The following SVEP1 variants were observed in gnomAD, a reference collection of about 807,000 sequenced individuals.
SVEP1 encodes sushi, von Willebrand factor type A, EGF and pentraxin domain-containing protein 1.
In SVEP1, 164 loss-of-function variants were observed where a neutral mutation model predicts 367.3. The ratio of observed to expected loss-of-function variants is 0.45; its 90% confidence interval spans 0.39 to 0.51. The LOEUF (loss-of-function observed/expected upper bound fraction) is 0.51. Ranked by LOEUF, SVEP1 falls within the 20% of genes least tolerant of loss-of-function variation. SVEP1 has a pLI of 0.00. For synonymous variants in SVEP1, 1,666 were observed against 1,611.6 expected (o/e 1.03, Z -0.81); for missense variants, 4,117 against 4,425.3 (o/e 0.93, Z 1.98).
chr9:110,424,852 C>G (rs1401135792), intron 36 of SVEP1, among the ~76,000 whole-genome samples: 1 of 152,068 alleles, frequency 6.6e-6, no homozygotes, highest in African/African-American at 2.4e-5. Flanking sequence ...TTTTGTCTTT[C>G]TAGTGGAGAC....
At chr9:110,479,093 T>C (rs1829145201) in intron 13 of SVEP1, among the ~76,000 whole-genome samples, 1 of 152,070 alleles carries the variant, frequency 6.6e-6, no homozygotes, top group Non-Finnish European at 1.5e-5. Context: ...AGTTTTTTTG[T>C]ATTTTTACTA....
At chr9:110,488,777 G>A (rs1829324638) in intron 9 of SVEP1, among the ~76,000 whole-genome samples, 1 of 152,146 alleles carries the variant, frequency 6.6e-6, no homozygotes, top group Non-Finnish European at 1.5e-5. Flanking sequence ...GGAAGGCTAA[G>A]GCAGGAGGAT....
rs377002672 is a variant in SVEP1 at position 110,465,849 on chromosome 9, C to T, written c.3322+16G>A. The T allele has an allele frequency of 3.4e-5, 55 of 1,609,570 alleles. No homozygotes were observed. The highest frequency in any genetic ancestry group is 4.6e-5 in the Non-Finnish European group (54 of 1,177,588). On this transcript the variant is annotated intron_variant, in intron 18 of 47. Coordinates refer to ENST00000374469, the MANE Select transcript of SVEP1 (RefSeq NM_153366.4). ...AGTAGGTTTAAAGAAATATCAATGT[C>T]TAAGGCTTTGATAACCTCCACATGC...
chr9:110,390,221 A>ATATACTTATATAAGTATGTG (rs1564127376), intron 40 of SVEP1, among the ~76,000 whole-genome samples: 5 of 139,124 alleles, frequency 3.6e-5, no homozygotes, highest in African/African-American at 1.3e-4. Context: ...ATACTTGTAT[A>ATATACTTATATAAGTATGTG]TATACTTATA....
intron 1 of SVEP1, among the ~76,000 whole-genome samples, chr9:110,565,193 T>TA (rs1485338459): frequency 2.0e-5 from 3 of 152,196 alleles, no homozygotes; most frequent in Non-Finnish European, 4.4e-5. Flanking sequence ...ATAGGAATGT[T>TA]ATGATGCAGG....
chr9:110,422,943 G>C (rs970891843), intron 36 of SVEP1, among the ~76,000 whole-genome samples: 60 of 117,542 alleles, frequency 5.1e-4, no homozygotes, highest in Non-Finnish European at 9.1e-4. Flanking sequence ...ACACAGGAAG[G>C]GGAATATCAC....
chr9:110,455,768 T>G, intron 21 of SVEP1, 65 bp from the exon 22 acceptor site: 1 of 1,294,876 alleles, frequency 7.7e-7, no homozygotes, highest in Non-Finnish European at 1.1e-6. Flanking sequence ...AGAACTATGA[T>G]CATTTAAAGG....
Position 110,457,332 on chromosome 9 carries a change from AAAG to A in SVEP1, c.3594_3596del (p.Phe1199del). ...AGGTTCCACTATTGTGGCAAGGGTT[AAAG>A]AAGCATTCATGGAAAACCTACCAGT... On this transcript the variant is annotated inframe_deletion, in exon 21 of 48. Transcript: ENST00000374469. The A allele has an allele frequency of 6.2e-7, 1 of 1,611,318 alleles. No individual in the cohort carries two copies. The highest frequency in any genetic ancestry group is 8.5e-7 in the Non-Finnish European group (1 of 1,179,274).
intron 9 of SVEP1, among the ~76,000 whole-genome samples, chr9:110,486,891 T>G (rs1829286889): frequency 6.6e-6 from 1 of 151,864 alleles, no homozygotes. Flanking sequence ...GTGATTCATC[T>G]GCCTCGGCCT....
intron 40 of SVEP1, among the ~76,000 whole-genome samples, chr9:110,399,040 G>A (rs1827815113): frequency 6.6e-6 from 1 of 152,118 alleles, no homozygotes. Flanking sequence ...AAAGACACAT[G>A]CACATGTATG....
intron 12 of SVEP1, among the ~76,000 whole-genome samples, chr9:110,480,379 TG>T (rs1307808035): frequency 1.3e-5 from 2 of 152,124 alleles, no homozygotes; most frequent in African/African-American, 4.8e-5. Flanking sequence ...CTCTGTTAAG[TG>T]GGTTTCACAT....
chr9:110,458,549 A>G lies in SVEP1; in HGVS notation c.3498T>C (p.Thr1166=). ...CCACACTTTCCTCTGCCGCTGAGAA[A>G]GTTGAACTAAAACCTAATCAATTAA... ...SITECSSFSS[T]FSAAEESVVP... is the part of the protein sequence containing the mutation. The change falls in exon 20 of 48, where the codon ACT becomes ACC. Residue 1166 remains threonine, a synonymous_variant. Coordinates refer to ENST00000374469, the MANE Select transcript of SVEP1 (RefSeq NM_153366.4). 6.2e-7 allele frequency: 1 copy of G among 1,611,112 alleles called. No individual in the cohort carries two copies. The highest frequency in any genetic ancestry group is 8.5e-7 in the Non-Finnish European group (1 of 1,178,770).
chr9:110,384,843 T>C (rs765799549), intron 43 of SVEP1, among the ~76,000 whole-genome samples: 8 of 152,216 alleles, frequency 5.3e-5, no homozygotes, highest in Non-Finnish European at 1.2e-4. Flanking sequence ...ATTGTAGGCA[T>C]GATACATTCT....
At chr9:110,495,436 G>C (rs1334416759) in intron 8 of SVEP1, among the ~76,000 whole-genome samples, 1 of 152,170 alleles carries the variant, frequency 6.6e-6, no homozygotes, top group African/African-American at 2.4e-5. Context: ...AAAAGAAAAA[G>C]ATGTGGTGGA....
At chr9:110,514,191 G>C in intron 3 of SVEP1, 85 bp from the exon 4 acceptor site, 1 of 1,512,646 alleles carries the variant, frequency 6.6e-7, no homozygotes, top group South Asian at 1.2e-5. Context: ...ATATGGGAGA[G>C]AAAGCCAAAC....
intron 43 of SVEP1, 75 bp downstream of exon 43, chr9:110,385,823 A>T: frequency 6.7e-7 from 1 of 1,498,444 alleles, no homozygotes; most frequent in African/African-American, 1.4e-5. Flanking sequence ...AAGTGACTTG[A>T]TTGAAAACAA....
Position 110,479,734 on chromosome 9 carries a change from C to T in SVEP1, c.2388G>A (p.Gly796=). 1 of 1,605,258 alleles carries T rather than the reference C, an allele frequency of 6.2e-7. No homozygotes were observed. Among genetic ancestry groups the T allele is most frequent in the Admixed American group, 1.7e-5 (1 of 57,640 alleles). The change falls in exon 13 of 48, where the codon GGG becomes GGA. Residue 796 remains glycine (G), a synonymous_variant. Transcript: ENST00000374469. The stretch of plus-strand genomic sequence containing the variant: ...TGTAGAACATCTCAAAGGACTTGAA[C>T]CCGTGGTTTGCAAAACGTTTTTCTA... The part of the protein sequence containing the change: ...DCAKKRFANH[G]FKSFEMFYKA...
chr9:110,408,554 C>T lies in SVEP1; in HGVS notation c.7046G>A (p.Cys2349Tyr). 1 of 1,613,916 alleles carries T rather than the reference C, an allele frequency of 6.2e-7. No homozygotes were observed. Among genetic ancestry groups the T allele is most frequent in the Non-Finnish European group, 8.5e-7 (1 of 1,179,878 alleles). ...GCCTTGCAGGACATGCCCTTCTTTACAGGAAAATGTCACAACTCCTACCTC... is the reference window on the plus strand; with the variant it reads ...GCCTTGCAGGACATGCCCTTCTTTATAGGAAAATGTCACAACTCCTACCTC... ...TTEVGVVTFSCKEGHVLQGPS... is the reference protein window; with the variant it reads ...TTEVGVVTFSYKEGHVLQGPS... The change falls in exon 38 of 48, where the codon TGT (cysteine) becomes TAT (tyrosine). Residue 2349 changes from cysteine (C) to tyrosine (Y), a missense_variant. By Grantham distance (194) the Cys-to-Tyr change is radical. Transcript: ENST00000374469.
intron 25 of SVEP1, 30 bp downstream of exon 25, chr9:110,446,870 T>G: frequency 6.8e-7 from 1 of 1,467,226 alleles, no homozygotes. Flanking sequence ...TTGTTAGTAT[T>G]GTTATTAATA....
Sources: gnomAD v4.1 joint callset for allele counts (sites outside exome capture counted in the v4.1 genomes callset) on GRCh38, gnomAD v4.1.1 for gene constraint, MANE v1.5 for transcripts, NCBI Gene and HGNC (gene_info 2026-07-23, HGNC 2026-07-21) for gene names.